Variants in ADCY2 observed in about 807,000 individuals in gnomAD.
ADCY2 encodes the protein adenylate cyclase 2, also known as adenylate cyclase type 2.
ADCY2 carries 31 observed loss-of-function variants against 125.2 expected under a neutral mutation model. The ratio of observed to expected loss-of-function variants is 0.25; its 90% CI spans 0.19 to 0.33. The LOEUF (loss-of-function observed/expected upper bound fraction) is 0.33, where lower values mean the gene tolerates loss of function less well. Among genes scored for constraint, ADCY2 ranks in the 10% least tolerant of loss-of-function variants. The pLI is 1.00. For missense variants in ADCY2, 904 were observed against 1,418.2 expected (o/e 0.64, Z 5.82); for synonymous variants, 512 against 548.4 (o/e 0.93, Z 0.93).
chr5:7,657,780 G>C (rs1739389675), intron 4 of ADCY2, among the ~76,000 whole-genome samples: 1 of 152,162 alleles, frequency 6.6e-6, no homozygotes, highest in African/African-American at 2.4e-5. Flanking sequence ...GGGGTCACAA[G>C]TGTCTGTTCA....
chr5:7,615,711 G>A (rs934226891), intron 3 of ADCY2, among the ~76,000 whole-genome samples: 5 of 152,184 alleles, frequency 3.3e-5, no homozygotes, highest in Non-Finnish European at 5.9e-5. Context: ...AAGATGCTCA[G>A]CAAACTACTC....
intron 4 of ADCY2, among the ~76,000 whole-genome samples, chr5:7,633,976 A>G (rs1484539867): frequency 6.6e-6 from 1 of 152,252 alleles, no homozygotes; most frequent in Non-Finnish European, 1.5e-5. Flanking sequence ...AATAAAAAGC[A>G]ATTCTAAAAT....
chr5:7,506,538 AG>A (rs1743820447), intron 2 of ADCY2, among the ~76,000 whole-genome samples: 1 of 152,184 alleles, frequency 6.6e-6, no homozygotes, highest in Admixed American at 6.5e-5. Flanking sequence ...AAGAAAAGCC[AG>A]GGCACTGTGA....
intron 3 of ADCY2, among the ~76,000 whole-genome samples, chr5:7,597,822 A>C (rs1014223006): frequency 6.6e-6 from 1 of 152,172 alleles, no homozygotes; most frequent in African/African-American, 2.4e-5. Context: ...TAGAGCTGGA[A>C]TAGACATTCA....
chr5:7,597,310 C>T (rs1447136273), intron 3 of ADCY2, among the ~76,000 whole-genome samples: 1 of 152,226 alleles, frequency 6.6e-6, no homozygotes, highest in Admixed American at 6.5e-5. Flanking sequence ...ACAGAGACCT[C>T]TTTGAGAAGT....
chr5:7,452,119 G>T (rs1741495011), intron 2 of ADCY2, among the ~76,000 whole-genome samples: 1 of 152,008 alleles, frequency 6.6e-6, no homozygotes, highest in South Asian at 2.1e-4. Flanking sequence ...CACCATGTTG[G>T]CCAGGCTGGT....
At position 7,429,536 on chromosome 5, in the gene ADCY2, A is replaced by C. The variant is rs138381675; in HGVS notation, c.408+14766A>C. 5.3e-3 allele frequency among the ~76,000 whole-genome samples: 806 copies of C among 152,338 alleles called. 6 individuals carry two copies. The highest frequency in any genetic ancestry group is 0.018 in the African/African-American group (751 of 41,580). ...TGGGCAACAAAGTGTTGCTGAGTTT[A>C]AAAGGGTTGTTATGATACAAAGTAT... On this transcript the variant is annotated intron_variant, in intron 2 of 24. Transcript: ENST00000338316.
intron 1 of ADCY2, among the ~76,000 whole-genome samples, chr5:7,401,112 G>A (rs942076757): frequency 2.0e-5 from 3 of 152,142 alleles, no homozygotes; most frequent in African/African-American, 7.2e-5. Flanking sequence ...TTGTAAAATG[G>A]CATGGTACCT....
chr5:7,815,265 G>A (rs1224454021), intron 22 of ADCY2, among the ~76,000 whole-genome samples: 2 of 152,178 alleles, frequency 1.3e-5, no homozygotes, highest in Non-Finnish European at 2.9e-5. Context: ...GATTAATAGA[G>A]CAAAGTCTCT....
At chr5:7,559,288 T>C (rs1735632493) in intron 3 of ADCY2, among the ~76,000 whole-genome samples, 1 of 152,256 alleles carries the variant, frequency 6.6e-6, no homozygotes, top group Admixed American at 6.5e-5. Flanking sequence ...TTAATGATAT[T>C]GATTCTTCCT....
intron 3 of ADCY2, among the ~76,000 whole-genome samples, chr5:7,575,600 C>G (rs6875695): frequency 7.9e-5 from 12 of 151,724 alleles, no homozygotes; most frequent in African/African-American, 2.7e-4. Flanking sequence ...AGGACTTCCT[C>G]GGTCCTAAAT....
At chr5:7,705,338 A>T (rs1741232528) in intron 7 of ADCY2, among the ~76,000 whole-genome samples, 1 of 152,220 alleles carries the variant, frequency 6.6e-6, no homozygotes, top group African/African-American at 2.4e-5. Context: ...GAGGGCCGAG[A>T]TGGAGACAGA....
rs528974632 is a variant in ADCY2 at position 7,818,360 on chromosome 5, T to C, written c.2998+1380T>C. Among the ~76,000 whole-genome samples the C allele has an allele frequency of 5.2e-3, 791 of 151,160 alleles. 8 individuals carry two copies. The highest frequency in any genetic ancestry group is 0.018 in the African/African-American group (753 of 41,234). On this transcript the variant is annotated intron_variant, in intron 23 of 24. Transcript: ENST00000338316. ...ATTTTTCTTTTTCTTTTTCTTTTTTTTTTTTTTCTTTTGTGAGACAGAGTC... is the reference window on the plus strand; with the variant it reads ...ATTTTTCTTTTTCTTTTTCTTTTTTCTTTTTTTCTTTTGTGAGACAGAGTC...
At chr5:7,689,091 G>A (rs113591404) in intron 4 of ADCY2, among the ~76,000 whole-genome samples, 4,356 of 152,292 alleles carry the variant, frequency 0.029, 213 homozygotes, top group African/African-American at 0.099. Context: ...AGTGGGTTCT[G>A]AGACGAGAGC....
At chr5:7,760,145 C>T (rs1184275640) in intron 16 of ADCY2, among the ~76,000 whole-genome samples, 4 of 152,224 alleles carry the variant, frequency 2.6e-5, no homozygotes, top group Admixed American at 2.6e-4. Context: ...GGAACCTGGA[C>T]AGAGAGAGAG....
intron 11 of ADCY2, among the ~76,000 whole-genome samples, chr5:7,714,922 G>A (rs2126371825): frequency 6.6e-6 from 1 of 152,374 alleles, no homozygotes; most frequent in East Asian, 1.9e-4. Context: ...GCATGGGCCT[G>A]GGGAAGGAGC....
intron 2 of ADCY2, among the ~76,000 whole-genome samples, chr5:7,503,782 A>G (rs1383575289): frequency 6.6e-6 from 1 of 152,258 alleles, no homozygotes; most frequent in Non-Finnish European, 1.5e-5. Flanking sequence ...GTGGGCACTC[A>G]CGCAACAAGA....
At chr5:7,557,201 A>ATATATATATATATATATATATATAT in intron 3 of ADCY2, among the ~76,000 whole-genome samples, 2 of 140,108 alleles carry the variant, frequency 1.4e-5, no homozygotes, top group African/African-American at 2.6e-5. Context: ...TGATATATAT[A>ATATATATATATATATATATATATAT]ACTCAAGTGA....
At chr5:7,432,690 TCAGAGCC>T (rs1179871948) in intron 2 of ADCY2, among the ~76,000 whole-genome samples, 2 of 152,208 alleles carry the variant, frequency 1.3e-5, no homozygotes, top group African/African-American at 4.8e-5. Context: ...AAATGCAAAT[TCAGAGCC>T]CAGTGAAGTA....
Sources: allele counts gnomAD v4.1 joint callset (sites outside exome capture counted in the v4.1 genomes callset), GRCh38; gene constraint gnomAD v4.1.1; transcripts MANE v1.5; gene names NCBI Gene and HGNC (gene_info 2026-07-23, HGNC 2026-07-21).